MYO5A: variants seen among roughly 807,000 people sequenced by gnomAD.
MYO5A encodes myosin VA, also known as unconventional myosin-Va.
Under a neutral mutation model 249.7 loss-of-function variants are expected in MYO5A, and 98 were observed. The observed-to-expected ratio is 0.39, with a 90% confidence interval of 0.33 to 0.46. MYO5A has a LOEUF of 0.46. Among genes scored for constraint, MYO5A ranks in the 20% least tolerant of loss-of-function variants. The probability of loss-of-function intolerance (pLI) is 0.98; values close to 1 mark genes in which losing one functional copy is unlikely to be tolerated. For missense variants in MYO5A, 1,696 were observed against 2,308.8 expected (o/e 0.73, Z 5.44); for synonymous variants, 778 against 810.6 (o/e 0.96, Z 0.68).
intron 27 of MYO5A, 80 bp from the exon 28 acceptor site, chr15:52,351,561 A>G: frequency 2.2e-6 from 3 of 1,373,518 alleles, no homozygotes; most frequent in Non-Finnish European, 2.1e-6. Flanking sequence ...CCAAGCTGGT[A>G]GAAGAATTCT....
chr15:52,477,316 G>A (rs994907181), intron 1 of MYO5A, among the ~76,000 whole-genome samples: 1 of 152,062 alleles, frequency 6.6e-6, no homozygotes, highest in African/African-American at 2.4e-5. Flanking sequence ...AAGGTTCTTG[G>A]CTTCTTTGCG....
At chr15:52,321,638 G>C (rs2038317926) in intron 37 of MYO5A, 129 bp from the exon 38 acceptor site, 2 of 982,476 alleles carry the variant, frequency 2.0e-6, no homozygotes, top group East Asian at 4.8e-5. Flanking sequence ...ACTAATGCCA[G>C]GACTGACATT....
At chr15:52,425,307 G>C (rs1387386330) in intron 4 of MYO5A, among the ~76,000 whole-genome samples, 3 of 151,922 alleles carry the variant, frequency 2.0e-5, no homozygotes, top group South Asian at 2.1e-4. Flanking sequence ...AATTTCAAAG[G>C]CAGTTTTTAA....
At chr15:52,495,104 A>T (rs2141555362) in intron 1 of MYO5A, among the ~76,000 whole-genome samples, 1 of 152,310 alleles carries the variant, frequency 6.6e-6, no homozygotes, top group East Asian at 1.9e-4. Flanking sequence ...AAAAAAATTA[A>T]ATTGACTTTA....
At chr15:52,513,548 C>T (rs926944203) in intron 1 of MYO5A, among the ~76,000 whole-genome samples, 2 of 151,428 alleles carry the variant, frequency 1.3e-5, no homozygotes, top group African/African-American at 4.8e-5. Context: ...ACTCAGCGTC[C>T]TGAGTAGCTG....
chr15:52,372,034 G>A (rs2041150463), intron 21 of MYO5A, 90 bp downstream of exon 21: 2 of 1,588,804 alleles, frequency 1.3e-6, no homozygotes, highest in East Asian at 2.2e-5. Context: ...TAAGACCGAA[G>A]GGTAAAGTCA....
chr15:52,336,629 C>T (rs2039132045), intron 33 of MYO5A, 73 bp from the exon 34 acceptor site: 3 of 1,086,726 alleles, frequency 2.8e-6, no homozygotes, highest in Non-Finnish European at 4.1e-6. Context: ...GGAAAATAGA[C>T]ACAATATCAC....
intron 4 of MYO5A, among the ~76,000 whole-genome samples, chr15:52,425,265 T>A (rs1257130164): frequency 6.6e-6 from 1 of 152,230 alleles, no homozygotes; most frequent in Non-Finnish European, 1.5e-5. Flanking sequence ...AACATCTGCA[T>A]CTGTCTTTTC....
chr15:52,526,915 T>C (rs922070461), intron 1 of MYO5A, among the ~76,000 whole-genome samples: 2 of 152,174 alleles, frequency 1.3e-5, no homozygotes, highest in Admixed American at 1.3e-4. Context: ...CTGCTCACCA[T>C]ATAGAACGGA....
At chr15:52,464,793 C>T (rs1254838736) in intron 1 of MYO5A, among the ~76,000 whole-genome samples, 1 of 152,114 alleles carries the variant, frequency 6.6e-6, no homozygotes, top group Non-Finnish European at 1.5e-5. Flanking sequence ...CAGATGTTTC[C>T]AACACCCTAG....
chr15:52,438,370 G>A (rs920242770), intron 1 of MYO5A, among the ~76,000 whole-genome samples: 2 of 152,188 alleles, frequency 1.3e-5, no homozygotes, highest in African/African-American at 4.8e-5. Flanking sequence ...AACAAGGATA[G>A]ACACTGCCTA....
intron 22 of MYO5A, among the ~76,000 whole-genome samples, chr15:52,367,388 T>C (rs921587410): frequency 3.3e-5 from 5 of 152,238 alleles, no homozygotes; most frequent in Admixed American, 1.3e-4. Context: ...ATAAATGATT[T>C]ACTTTCCTCT....
intron 10 of MYO5A, 97 bp downstream of exon 10, chr15:52,397,104 T>TA: frequency 7.0e-7 from 1 of 1,432,830 alleles, no homozygotes; most frequent in Non-Finnish European, 9.7e-7. Flanking sequence ...CCCTTCTCTT[T>TA]ACCAGTAGGA....
intron 1 of MYO5A, among the ~76,000 whole-genome samples, chr15:52,452,743 G>A (rs1226523897): frequency 5.9e-5 from 9 of 151,870 alleles, no homozygotes; most frequent in Admixed American, 3.9e-4. Context: ...AGCTACTCAG[G>A]AGGCTGAGGC....
chr15:52,523,243 CCTTCACCA>C (rs35971822), intron 1 of MYO5A, among the ~76,000 whole-genome samples: 22,814 of 152,102 alleles, frequency 0.15, 1,801 homozygotes, highest in Middle Eastern at 0.22. Flanking sequence ...GTCCACCAGA[CCTTCACCA>C]CTTCACATTT....
At chr15:52,314,084 C>T (rs772756885) in intron 41 of MYO5A, 39 bp downstream of exon 41, 1 of 1,494,806 alleles carries the variant, frequency 6.7e-7, no homozygotes, top group South Asian at 1.1e-5. Flanking sequence ...ATTCAAAAGA[C>T]TGTGTTGGTG....
intron 5 of MYO5A, chr15:52,415,905 G>C: frequency 1.9e-6 from 1 of 529,426 alleles, no homozygotes; most frequent in Non-Finnish European, 3.3e-6. Flanking sequence ...TTTGCTGGTA[G>C]GTCAAAAATT....
At chr15:52,436,061 G>A (rs546529630) in intron 1 of MYO5A, among the ~76,000 whole-genome samples, 2 of 152,278 alleles carry the variant, frequency 1.3e-5, no homozygotes, top group African/African-American at 4.8e-5. Flanking sequence ...GGGATTACAG[G>A]TGCCTGCCAC....
intron 1 of MYO5A, among the ~76,000 whole-genome samples, chr15:52,472,339 A>G (rs1236091665): frequency 6.6e-6 from 1 of 152,146 alleles, no homozygotes; most frequent in South Asian, 2.1e-4. Context: ...TCGGTCTCCT[A>G]AAGTGCTGGG....
Sources: allele counts gnomAD v4.1 joint callset (sites outside exome capture counted in the v4.1 genomes callset), GRCh38; gene constraint gnomAD v4.1.1; transcripts MANE v1.5; gene names NCBI Gene and HGNC (gene_info 2026-07-23, HGNC 2026-07-21).